CCDC38: variants seen among roughly 807,000 people sequenced by gnomAD.
CCDC38 encodes coiled-coil domain containing 38.
In CCDC38, 69 loss-of-function variants were observed where a neutral mutation model predicts 72.8. The ratio of observed to expected loss-of-function variants is 0.95; its 90% CI spans 0.78 to 1.16. The LOEUF is 1.16. Among genes scored for constraint, CCDC38 ranks in the 50% most tolerant of loss-of-function variants. The pLI is 0.00. For synonymous variants in CCDC38, 201 were observed against 213.2 expected (o/e 0.94, Z 0.50); for missense variants, 626 against 638.9 (o/e 0.98, Z 0.22).
intron 4 of CCDC38, among the ~76,000 whole-genome samples, chr12:95,916,361 T>C (rs1346805092): frequency 7.4e-6 from 1 of 135,866 alleles, no homozygotes; most frequent in Non-Finnish European, 1.7e-5. Context: ...AGAGAAAATT[T>C]TTTTAAGTTG....
rs63210665 is a variant in CCDC38 at position 95,916,379 on chromosome 12, G to GCCTTCCTTCCTTCCTTCCTT, written c.304+730_304+749dup. On this transcript the variant is annotated intron_variant, in intron 4 of 15. Coordinates refer to ENST00000344280, the MANE Select transcript of CCDC38 (RefSeq NM_182496.3). ...GAAAATTTTTTTAAGTTGCCTGCCT[G>GCCTTCCTTCCTTCCTTCCTT]CCTTCCTTCCTTCCTTCCTTCCTTC... 6.9e-3 allele frequency among the ~76,000 whole-genome samples: 1,022 copies of GCCTTCCTTCCTTCCTTCCTT among 147,434 alleles called. 9 individuals are homozygous for GCCTTCCTTCCTTCCTTCCTT. The highest frequency in any genetic ancestry group is 0.024 in the African/African-American group (973 of 39,810).
rs779663238 is a variant in CCDC38, at chr12:95,890,956, G to C, written c.773-26C>G. 9 of 1,320,704 alleles carry C rather than the reference G, an allele frequency of 6.8e-6. 2 individuals carry two copies. The South Asian group carries it at 1.1e-4, about 16-fold the overall frequency. 81.8% of individuals were successfully genotyped at this position (1,320,704 alleles called of 1,614,324 possible). On this transcript the variant is annotated intron_variant, in intron 8 of 15. Transcript: ENST00000344280. ...CTAGAAATGGCAAATGAAGAGGAGA[G>C]AGACAGAGAAAGATGGGGGGAAAAA...
chr12:95,919,557 C>T, intron 2 of CCDC38: 1 of 456,052 alleles, frequency 2.2e-6, no homozygotes, highest in South Asian at 1.5e-5. Context: ...GCCTTGCCTC[C>T]ACATCTCCTG....
intron 14 of CCDC38, among the ~76,000 whole-genome samples, chr12:95,871,753 C>G (rs200470802): frequency 6.6e-6 from 1 of 152,012 alleles, no homozygotes; most frequent in East Asian, 1.9e-4. Flanking sequence ...GACTTTCAAA[C>G]AATTCCTTCA....
intron 5 of CCDC38, 90 bp downstream of exon 5, chr12:95,906,297 A>C (rs2080000034): frequency 2.1e-6 from 2 of 934,466 alleles, no homozygotes; most frequent in Admixed American, 4.2e-5. Context: ...TGGGACATGT[A>C]ATAGACAAGC....
At chr12:95,884,728 C>T (rs1365136687) in intron 10 of CCDC38, among the ~76,000 whole-genome samples, 1 of 152,220 alleles carries the variant, frequency 6.6e-6, no homozygotes, top group Non-Finnish European at 1.5e-5. Context: ...TCACTTCAAT[C>T]TCTGTCTCTG....
chr12:95,930,157 C>T (rs1029747891), intron 2 of CCDC38, among the ~76,000 whole-genome samples: 1 of 152,130 alleles, frequency 6.6e-6, no homozygotes, highest in Non-Finnish European at 1.5e-5. Flanking sequence ...ATTCAACCCG[C>T]TACACCAAAT....
chr12:95,888,579 A>C, intron 9 of CCDC38, 73 bp from the exon 10 acceptor site: 2 of 1,393,082 alleles, frequency 1.4e-6, no homozygotes, highest in Non-Finnish European at 2.0e-6. Context: ...GGAATTAGAA[A>C]TGAGCCCGTG....
At chr12:95,884,737 T>C (rs2079738444) in intron 10 of CCDC38, among the ~76,000 whole-genome samples, 1 of 152,252 alleles carries the variant, frequency 6.6e-6, no homozygotes, top group South Asian at 2.1e-4. Flanking sequence ...TCTCTGTCTC[T>C]GTCATCACAT....
At chr12:95,922,197 G>T (rs1229665721) in intron 2 of CCDC38, among the ~76,000 whole-genome samples, 3 of 152,158 alleles carry the variant, frequency 2.0e-5, no homozygotes, top group Admixed American at 2.0e-4. Context: ...GGAAGTCTTG[G>T]GTTCAACACA....
intron 1 of CCDC38, among the ~76,000 whole-genome samples, chr12:95,939,146 T>A (rs566828206): frequency 7.2e-5 from 11 of 152,296 alleles, no homozygotes; most frequent in African/African-American, 2.4e-4. Flanking sequence ...AGCCTTTGGA[T>A]GGCCTCAGTT....
chr12:95,895,925 G>A (rs1433251252), intron 7 of CCDC38, among the ~76,000 whole-genome samples: 5 of 151,346 alleles, frequency 3.3e-5, no homozygotes, highest in Admixed American at 1.3e-4. Context: ...GCGTGGTGGC[G>A]CATGCCTGTA....
intron 1 of CCDC38, among the ~76,000 whole-genome samples, chr12:95,941,182 A>G (rs1291843442): frequency 2.6e-5 from 4 of 152,238 alleles, no homozygotes; most frequent in Non-Finnish European, 5.9e-5. Flanking sequence ...ATAAATACCT[A>G]TGAAAAAGAA....
At position 95,893,246 on chromosome 12, in the gene CCDC38, G is replaced by A. The variant is rs556958228; in HGVS notation, c.772+1743C>T. On this transcript the variant is annotated intron_variant, in intron 8 of 15. Transcript: ENST00000344280. Reference sequence around the variant, plus strand: ...AAAACTCCAGCTCACACACATTAAGGTTATTGTTGTTTTCTTAGACTTAAT... The same window carrying A: ...AAAACTCCAGCTCACACACATTAAGATTATTGTTGTTTTCTTAGACTTAAT... Among the ~76,000 whole-genome samples, 20 of 149,558 alleles carry A rather than the reference G, an allele frequency of 1.3e-4. No individual in the cohort carries two copies. The East Asian group carries it at 3.5e-3, about 26-fold the overall frequency.
chr12:95,925,050 A>C (rs1225166823), intron 2 of CCDC38, among the ~76,000 whole-genome samples: 7 of 149,608 alleles, frequency 4.7e-5, no homozygotes, highest in Non-Finnish European at 7.4e-5. Flanking sequence ...TATGAACTTT[A>C]AAGTAGTTTT....
chr12:95,898,304 G>A (rs2079912734), intron 7 of CCDC38, 81 bp downstream of exon 7: 1 of 1,291,830 alleles, frequency 7.7e-7, no homozygotes, highest in Non-Finnish European at 1.1e-6. Context: ...GGATGATCAG[G>A]ATTATTAGGT....
chr12:95,890,421 T>A (rs1487457300), intron 9 of CCDC38, among the ~76,000 whole-genome samples: 1 of 152,224 alleles, frequency 6.6e-6, no homozygotes, highest in Non-Finnish European at 1.5e-5. Flanking sequence ...TGCTCTAAAT[T>A]AATCCTTTTC....
chr12:95,900,212 A>G (rs1187752684), intron 5 of CCDC38, among the ~76,000 whole-genome samples: 1 of 152,208 alleles, frequency 6.6e-6, no homozygotes, highest in Non-Finnish European at 1.5e-5. Context: ...CCAAGGCTGG[A>G]GCAGAGTGAG....
At chr12:95,870,263 A>G (rs539869893) in intron 14 of CCDC38, among the ~76,000 whole-genome samples, 2 of 152,334 alleles carry the variant, frequency 1.3e-5, no homozygotes, top group African/African-American at 4.8e-5. Flanking sequence ...TTTTTGAATA[A>G]TATCCTCAAA....
Sources: gnomAD v4.1 joint callset for allele counts (sites outside exome capture counted in the v4.1 genomes callset) on GRCh38, gnomAD v4.1.1 for gene constraint, MANE v1.5 for transcripts, NCBI Gene and HGNC (gene_info 2026-07-23, HGNC 2026-07-21) for gene names.